The following NBEA variants were observed in gnomAD, a reference collection of about 807,000 sequenced individuals.
NBEA encodes the protein lysosomal-trafficking regulator 2.
Under a neutral mutation model 343.4 loss-of-function variants are expected in NBEA, and 44 were observed. The observed-to-expected ratio is 0.13, with a 90% CI of 0.10 to 0.16. The LOEUF (loss-of-function observed/expected upper bound fraction) is 0.16. Ranked by LOEUF, NBEA falls within the 10% of genes least tolerant of loss-of-function variation. NBEA has a pLI of 1.00. For synonymous variants in NBEA, 1,175 were observed against 1,238.7 expected (o/e 0.95, Z 1.08); for missense variants, 2,555 against 3,631.3 (o/e 0.70, Z 7.62).
chr13:35,165,420 G>T lies in NBEA; in HGVS notation c.4233+911G>T, dbSNP rs544383465. Among the ~76,000 whole-genome samples the T allele has an allele frequency of 8.5e-5, 13 of 152,270 alleles. No individual in the cohort carries two copies. The East Asian group carries it at 1.5e-3, about 18-fold the overall frequency. On this transcript the variant is annotated intron_variant, in intron 24 of 58. Transcript: ENST00000379939. ...GAAGTCCACAAAGGGAAGCATTCCAGTTCAGAAGGAGGAATGCAACAGAGC... is the reference window on the plus strand; with the variant it reads ...GAAGTCCACAAAGGGAAGCATTCCATTTCAGAAGGAGGAATGCAACAGAGC...
At chr13:35,192,970 A>G (rs2072308722) in intron 30 of NBEA, among the ~76,000 whole-genome samples, 1 of 151,974 alleles carries the variant, frequency 6.6e-6, no homozygotes, top group East Asian at 1.9e-4. Flanking sequence ...TAAATTAGCT[A>G]AATTCACACT....
At chr13:35,636,103 G>T (rs1323463453) in intron 49 of NBEA, among the ~76,000 whole-genome samples, 1 of 152,264 alleles carries the variant, frequency 6.6e-6, no homozygotes, top group South Asian at 2.1e-4. Flanking sequence ...AGCTGGAAGG[G>T]ATTTCCTTAT....
chr13:35,225,687 T>G (rs2074614406), intron 33 of NBEA, among the ~76,000 whole-genome samples: 1 of 152,122 alleles, frequency 6.6e-6, no homozygotes, highest in South Asian at 2.1e-4. Context: ...TTAAAAAATT[T>G]AGCTGATTTT....
intron 38 of NBEA, among the ~76,000 whole-genome samples, chr13:35,430,889 A>G (rs1402651556): frequency 6.6e-6 from 1 of 152,144 alleles, no homozygotes; most frequent in Non-Finnish European, 1.5e-5. Flanking sequence ...ATTATTTAAC[A>G]GAAGAATTAA....
intron 34 of NBEA, among the ~76,000 whole-genome samples, chr13:35,246,097 T>G (rs766493184): frequency 6.6e-6 from 1 of 152,208 alleles, no homozygotes; most frequent in Non-Finnish European, 1.5e-5. Context: ...TCCAGTACAT[T>G]TTGCATTTAT....
intron 10 of NBEA, among the ~76,000 whole-genome samples, chr13:35,093,229 T>C (rs2065173606): frequency 6.6e-6 from 1 of 151,944 alleles, no homozygotes; most frequent in South Asian, 2.1e-4. Context: ...GTGAATTTTT[T>C]GGTGTGATAG....
Position 35,536,143 on chromosome 13 carries a change from G to A in NBEA, c.6586-14334G>A, listed in dbSNP as rs58973488. On this transcript the variant is annotated intron_variant, in intron 41 of 58. Transcript: ENST00000379939. ...AAGTGAAAATATGCTTCACAAACTCGGAACCCATATTTTATGATAGCTTTC... is the reference window on the plus strand; with the variant it reads ...AAGTGAAAATATGCTTCACAAACTCAGAACCCATATTTTATGATAGCTTTC... Among the ~76,000 whole-genome samples, 327 of 152,178 alleles carry A rather than the reference G, an allele frequency of 2.1e-3. 1 individual carries two copies. Among genetic ancestry groups the A allele is most frequent in the African/African-American group, 7.1e-3 (295 of 41,538 alleles).
Position 35,117,457 on chromosome 13 carries a change from AT to A in NBEA, c.2049del (p.Phe683LeufsTer6). ...SQKEIISLRA[F>X]MLLFLKQLIL... ...AAAAAGAAATTATATCACTGAGGGC[AT>A]TTATGCTACTTTTTCTGAAACAGCT... On this transcript the variant is annotated frameshift_variant, in exon 14 of 59. Transcript: ENST00000379939. LOFTEE classifies it high-confidence loss of function. 1.4e-6 allele frequency: 2 copies of A among 1,383,330 alleles called. No homozygotes were observed. Among genetic ancestry groups the A allele is most frequent in the South Asian group, 1.9e-5 (1 of 51,382 alleles). The allele number at this position is 1,383,330 out of a possible 1,614,324, so 85.7% of individuals were successfully genotyped here.
At chr13:35,330,122 C>T (rs1001950239) in intron 36 of NBEA, among the ~76,000 whole-genome samples, 5 of 152,050 alleles carry the variant, frequency 3.3e-5, no homozygotes, top group African/African-American at 1.2e-4. Flanking sequence ...AACATAGTCA[C>T]CTGTTTCTGT....
At chr13:35,414,734 G>T (rs1175266309) in intron 38 of NBEA, among the ~76,000 whole-genome samples, 1 of 152,154 alleles carries the variant, frequency 6.6e-6, no homozygotes, top group African/African-American at 2.4e-5. Flanking sequence ...ATAATCCTTT[G>T]GGAATATGCC....
chr13:35,558,169 A>G (rs1318895475), intron 44 of NBEA, among the ~76,000 whole-genome samples: 2 of 152,208 alleles, frequency 1.3e-5, no homozygotes, highest in Non-Finnish European at 2.9e-5. Context: ...TTCCCTGACT[A>G]CAGAAGCAAG....
chr13:35,596,328 G>A (rs1777671), intron 47 of NBEA, among the ~76,000 whole-genome samples: 143,944 of 152,176 alleles, frequency 0.95, 68,597 homozygotes, highest in East Asian at 1. Context: ...TTGTGTGTTA[G>A]AACCTAAAGT....
At chr13:35,631,990 TC>T (rs1208817661) in intron 49 of NBEA, among the ~76,000 whole-genome samples, 1 of 152,212 alleles carries the variant, frequency 6.6e-6, no homozygotes, top group Non-Finnish European at 1.5e-5. Flanking sequence ...ACAGTACAGT[TC>T]TGGTACAAAG....
rs531324364 is a variant in NBEA at position 35,251,535 on chromosome 13, C to T, written c.5776+18916C>T. ...CGGCCACCTCTGGGCTCATCCTGGA[C>T]GTCATGTCCTTGATGCATGTGACCT... On this transcript the variant is annotated intron_variant, in intron 34 of 58. Transcript: ENST00000379939. The T allele has an allele frequency of 3.1e-4, 360 of 1,148,492 alleles. 4 individuals are homozygous for T. Among genetic ancestry groups the T allele is most frequent in the Admixed American group, 9.8e-5 (3 of 30,680 alleles). The allele number at this position is 1,148,492 out of a possible 1,614,324, so 71.1% of individuals were successfully genotyped here.
rs565668999 is a variant in NBEA, at chr13:35,191,044, G to T, written c.4928-4820G>T. ...TTCAGCAGAAGATCTGAGCTGGCAG[G>T]AAAAGAATCAGCAACATGAAGATAG... is the stretch of plus-strand genomic sequence containing the variant. On this transcript the variant is annotated intron_variant, in intron 30 of 58. Transcript: ENST00000379939. 2.5e-3 allele frequency among the ~76,000 whole-genome samples: 374 copies of T among 152,174 alleles called. 2 individuals are homozygous for T. The highest frequency in any genetic ancestry group is 8.4e-3 in the African/African-American group (348 of 41,516).
At chr13:35,241,723 A>G (rs933717394) in intron 34 of NBEA, among the ~76,000 whole-genome samples, 2 of 151,916 alleles carry the variant, frequency 1.3e-5, no homozygotes, top group South Asian at 2.1e-4. Flanking sequence ...TAATAAATCA[A>G]TTAAGATTCA....
At position 35,530,769 on chromosome 13, in the gene NBEA, G is replaced by C. The variant is rs906206124; in HGVS notation, c.6586-19708G>C. 2.0e-5 allele frequency among the ~76,000 whole-genome samples: 3 copies of C among 152,190 alleles called. No homozygotes were observed. In the South Asian group the frequency reaches 6.2e-4, roughly 31 times the overall value. Reference sequence around the variant, plus strand: ...CACAATGGAGGAAAAACAATCTTGGGACTTGTGATAAGCCAATTACAAGAA... The same window carrying C: ...CACAATGGAGGAAAAACAATCTTGGCACTTGTGATAAGCCAATTACAAGAA... On this transcript the variant is annotated intron_variant, in intron 41 of 58. Transcript: ENST00000379939.
intron 39 of NBEA, among the ~76,000 whole-genome samples, chr13:35,433,006 T>A (rs1057359389): frequency 2.6e-5 from 4 of 152,090 alleles, no homozygotes; most frequent in Non-Finnish European, 4.4e-5. Flanking sequence ...GCTGCCAATT[T>A]AAATTTCCAG....
intron 41 of NBEA, among the ~76,000 whole-genome samples, chr13:35,501,935 G>T (rs1456269122): frequency 6.6e-6 from 1 of 152,046 alleles, no homozygotes; most frequent in East Asian, 1.9e-4. Flanking sequence ...GTGCATACAT[G>T]TGTATATACA....
Sources: allele counts gnomAD v4.1 joint callset (sites outside exome capture counted in the v4.1 genomes callset), GRCh38; gene constraint gnomAD v4.1.1; transcripts MANE v1.5; gene names NCBI Gene and HGNC (gene_info 2026-07-23, HGNC 2026-07-21).